SUGCT: variants seen among roughly 807,000 people sequenced by gnomAD.
The protein encoded by SUGCT is succinyl-CoA:glutarate CoA-transferase.
Under a neutral mutation model 55.0 loss-of-function variants are expected in SUGCT, and 41 were observed. The observed-to-expected ratio is 0.74, with a 90% CI of 0.58 to 0.97. The LOEUF (loss-of-function observed/expected upper bound fraction) is 0.97, where lower values mean the gene tolerates loss of function less well. Ranked by LOEUF, SUGCT falls within the 50% of genes least tolerant of loss-of-function variation. The probability of loss-of-function intolerance (pLI) is 0.00; values close to 1 mark genes in which losing one functional copy is unlikely to be tolerated. For synonymous variants in SUGCT, 187 were observed against 200.4 expected (o/e 0.93, Z 0.56); for missense variants, 568 against 547.8 (o/e 1.04, Z -0.37).
At chr7:41,009,268 C>T in the SUGCT span, among the ~76,000 whole-genome samples, 3 of 149,436 alleles carry the variant, frequency 2.0e-5, no homozygotes, top group Non-Finnish European at 1.5e-5. Flanking sequence ...ATGAAAGATT[C>T]GATTTCACAG....
chr7:41,000,266 GCA>G, the SUGCT span, among the ~76,000 whole-genome samples: 2 of 151,872 alleles, frequency 1.3e-5, no homozygotes, highest in East Asian at 1.9e-4. Context: ...GCATGCACAT[GCA>G]CACACACACG....
chr7:40,312,079 G>C (rs547711391), intron 8 of SUGCT, among the ~76,000 whole-genome samples: 1 of 138,888 alleles, frequency 7.2e-6, no homozygotes, highest in Non-Finnish European at 1.5e-5. Context: ...TGGTCTTGTT[G>C]CCCAGGCTGG....
intron 12 of SUGCT, among the ~76,000 whole-genome samples, chr7:40,727,844 A>G (rs1477758750): frequency 6.6e-6 from 1 of 152,202 alleles, no homozygotes; most frequent in Non-Finnish European, 1.5e-5. Context: ...GTTTATTCAT[A>G]TAAAATTACA....
chr7:40,677,520 A>G (rs1784058443), intron 12 of SUGCT, among the ~76,000 whole-genome samples: 2 of 152,102 alleles, frequency 1.3e-5, no homozygotes, highest in Admixed American at 1.3e-4. Flanking sequence ...AACCCCAGAC[A>G]TCATGTTCAT....
chr7:40,712,271 G>A (rs1785766246), intron 12 of SUGCT, among the ~76,000 whole-genome samples: 1 of 152,192 alleles, frequency 6.6e-6, no homozygotes. Context: ...GAAGTTGATA[G>A]GTGAGATCTG....
intron 12 of SUGCT, among the ~76,000 whole-genome samples, chr7:40,503,179 A>G (rs1184189008): frequency 1.3e-5 from 2 of 152,144 alleles, no homozygotes; most frequent in Non-Finnish European, 2.9e-5. Flanking sequence ...ATTAACCTTG[A>G]TTGAGAGACA....
intron 9 of SUGCT, among the ~76,000 whole-genome samples, chr7:40,433,612 A>G (rs1019631236): frequency 2.0e-4 from 30 of 152,152 alleles, no homozygotes; most frequent in African/African-American, 7.0e-4. Flanking sequence ...AAGTAAACCT[A>G]CTGGCTGGCA....
At chr7:40,512,358 G>A (rs1477214236) in intron 12 of SUGCT, among the ~76,000 whole-genome samples, 1 of 152,120 alleles carries the variant, frequency 6.6e-6, no homozygotes, top group Non-Finnish European at 1.5e-5. Context: ...AGAAACACAA[G>A]TTTAAGATGG....
At chr7:41,035,621 A>G in the SUGCT span, among the ~76,000 whole-genome samples, 2 of 152,250 alleles carry the variant, frequency 1.3e-5, no homozygotes, top group Non-Finnish European at 2.9e-5. Flanking sequence ...TTAATGTCTT[A>G]GGAAAAATAA....
At chr7:40,644,694 C>A (rs1800418423) in intron 12 of SUGCT, among the ~76,000 whole-genome samples, 1 of 152,136 alleles carries the variant, frequency 6.6e-6, no homozygotes, top group Non-Finnish European at 1.5e-5. Flanking sequence ...TATTAGGGAG[C>A]CATGCTATTA....
chr7:40,471,301 T>C (rs1288459638), intron 11 of SUGCT, among the ~76,000 whole-genome samples: 1 of 151,940 alleles, frequency 6.6e-6, no homozygotes, highest in African/African-American at 2.4e-5. Context: ...CTTAAATGGT[T>C]ACATTTCTTA....
chr7:40,557,392 C>T (rs10236355), intron 12 of SUGCT, among the ~76,000 whole-genome samples: 1 of 152,188 alleles, frequency 6.6e-6, no homozygotes, highest in Admixed American at 6.5e-5. Context: ...GCAATGATTT[C>T]TTGGATATGA....
chr7:40,848,742 G>A (rs1325438242), intron 13 of SUGCT, among the ~76,000 whole-genome samples: 2 of 152,140 alleles, frequency 1.3e-5, no homozygotes, highest in Non-Finnish European at 2.9e-5. Flanking sequence ...TTTCTGGGAC[G>A]CCTGGTCCCG....
At chr7:40,543,638 TCTAA>T (rs1794824071) in intron 12 of SUGCT, among the ~76,000 whole-genome samples, 1 of 152,214 alleles carries the variant, frequency 6.6e-6, no homozygotes, top group Non-Finnish European at 1.5e-5. Context: ...TACTTTTGAT[TCTAA>T]CTGTTAAAAG....
chr7:40,171,432 T>A (rs1418442044), intron 1 of SUGCT, among the ~76,000 whole-genome samples: 3 of 152,212 alleles, frequency 2.0e-5, no homozygotes, highest in African/African-American at 7.2e-5. Flanking sequence ...TCTACCTTCT[T>A]GTCCTGAATG....
chr7:40,806,064 C>A (rs1791073190), intron 13 of SUGCT, among the ~76,000 whole-genome samples: 1 of 152,074 alleles, frequency 6.6e-6, no homozygotes, highest in Non-Finnish European at 1.5e-5. Context: ...CCAAGTGAAA[C>A]CCATTAAGTT....
intron 11 of SUGCT, among the ~76,000 whole-genome samples, chr7:40,477,752 A>C (rs964046618): frequency 6.6e-6 from 1 of 152,308 alleles, no homozygotes; most frequent in Admixed American, 6.5e-5. Context: ...CATATTAAAA[A>C]TAGGGTTTCA....
intron 9 of SUGCT, among the ~76,000 whole-genome samples, chr7:40,406,315 G>A (rs1786368890): frequency 1.3e-5 from 2 of 152,162 alleles, no homozygotes; most frequent in Admixed American, 1.3e-4. Context: ...GGGGAGGTTA[G>A]GAATCTTGTG....
chr7:40,960,624 A>C, the SUGCT span, among the ~76,000 whole-genome samples: 1 of 152,248 alleles, frequency 6.6e-6, no homozygotes, highest in Non-Finnish European at 1.5e-5. Flanking sequence ...TTATTTTTCA[A>C]AAGAAACATT....
Sources: gnomAD v4.1 joint callset for allele counts (sites outside exome capture counted in the v4.1 genomes callset) on GRCh38, gnomAD v4.1.1 for gene constraint, MANE v1.5 for transcripts, NCBI Gene and HGNC (gene_info 2026-07-23, HGNC 2026-07-21) for gene names.